CCDC9: variants seen among roughly 807,000 people sequenced by gnomAD.
The protein encoded by CCDC9 is coiled-coil domain-containing protein 9.
CCDC9 carries 52 observed loss-of-function variants against 65.6 expected under a neutral mutation model. That is an observed-to-expected ratio of 0.79 (90% CI 0.63 to 1.00). The LOEUF (loss-of-function observed/expected upper bound fraction) is 1.00, where lower values mean the gene tolerates loss of function less well. Among genes scored for constraint, CCDC9 ranks in the 50% least tolerant of loss-of-function variants. The pLI is 0.00. For missense variants in CCDC9, 834 were observed against 757.2 expected (o/e 1.10, Z -1.19); for synonymous variants, 332 against 280.3 (o/e 1.18, Z -1.84).
downstream of CCDC9, chr19:47,274,059 C>G (rs546851911): frequency 2.3e-5 from 19 of 832,276 alleles, no homozygotes; most frequent in Middle Eastern, 6.0e-4. Context: ...ATCTGGATTT[C>G]CAGGCTGTGT....
At chr19:47,263,199 A>G (rs974503848) in intron 5 of CCDC9, among the ~76,000 whole-genome samples, 2 of 152,090 alleles carry the variant, frequency 1.3e-5, no homozygotes, top group African/African-American at 2.4e-5. Flanking sequence ...TCTGCCAAGT[A>G]ATTACTGTTA....
At position 47,256,557 on chromosome 19, in the gene CCDC9, TCGC is replaced by T. The variant is rs1294520378; in HGVS notation, c.-123_-121del. The T allele has an allele frequency of 6.6e-6, 1 of 152,372 alleles. No individual in the cohort carries two copies. The highest frequency in any genetic ancestry group is 1.5e-5 in the Non-Finnish European group (1 of 68,230). The allele number at this position is 152,372 out of a possible 1,614,324, so 9.4% of individuals were successfully genotyped here. A position where few individuals can be genotyped will look rare whatever the true frequency, so the allele number is the denominator to read the frequency against. ...GACGCGCCTGGCCCGGGAGCTGCGG[TCGC>T]AGAGGCCGACGGAGCCGGAGTCGCG... is the stretch of plus-strand genomic sequence containing the variant. On this transcript the variant is annotated 5_prime_UTR_variant, in exon 1 of 12. Coordinates refer to ENST00000221922, the MANE Select transcript of CCDC9 (RefSeq NM_015603.3).
Position 47,260,760 on chromosome 19 carries a change from G to C in CCDC9, c.383G>C (p.Arg128Pro). The C allele has an allele frequency of 6.2e-7, 1 of 1,609,196 alleles. No individual in the cohort carries two copies. Among genetic ancestry groups the C allele is most frequent in the Non-Finnish European group, 8.5e-7 (1 of 1,178,214 alleles). Reference sequence around the variant, plus strand: ...CCTCGAGGAGGAGGAGCTGGGGGCCGTGGCCGGAGGGGCCGGGGCCGAGGT... The same window carrying C: ...CCTCGAGGAGGAGGAGCTGGGGGCCCTGGCCGGAGGGGCCGGGGCCGAGGT... ...EQPRGGGAGGRGRRGRGRGSP... is the reference protein window; with the variant it reads ...EQPRGGGAGGPGRRGRGRGSP... The change falls in exon 5 of 12, where the codon CGT becomes CCT. Residue 128 changes from arginine (R) to proline (P), a missense_variant. Arg to Pro is a moderately radical substitution (Grantham distance 103). Coordinates refer to ENST00000221922, the MANE Select transcript of CCDC9 (RefSeq NM_015603.3).
At chr19:47,266,459 C>A in intron 7 of CCDC9, 152 bp from the exon 8 acceptor site, 1 of 1,223,258 alleles carries the variant, frequency 8.2e-7, no homozygotes, top group Non-Finnish European at 1.1e-6. Context: ...GAGAGGGCCT[C>A]TGTGAGGAGG....
At chr19:47,273,609 C>G (rs897558691), downstream of CCDC9, 2 of 398,602 alleles carry the variant, frequency 5.0e-6, no homozygotes, top group African/African-American at 4.1e-5. Flanking sequence ...GGGGCCAGGG[C>G]AGTAGTCGGG....
downstream of CCDC9, chr19:47,272,180 C>CA: frequency 8.1e-7 from 1 of 1,230,038 alleles, no homozygotes; most frequent in Non-Finnish European, 1.0e-6. Context: ...GTGCATGGGG[C>CA]ATGGGATGGA....
chr19:47,275,074 G>A (rs1360924715), downstream of CCDC9: 2 of 1,496,984 alleles, frequency 1.3e-6, no homozygotes, highest in Middle Eastern at 1.8e-4. Context: ...GTGTACTACG[G>A]TCTCATCTGG....
In CCDC9 at chr19:47,260,468, A is replaced by G. The variant is rs752061362; in HGVS notation, c.210+46A>G. 5 of 1,607,730 alleles carry G rather than the reference A, an allele frequency of 3.1e-6. No homozygotes were observed. The Admixed American group carries it at 5.0e-5, about 16-fold the overall frequency. On this transcript the variant is annotated intron_variant, in intron 4 of 11. Transcript: ENST00000221922. ...TGGGACCCTGAGGATGGGGAGGGGCAGAGGGTTGAGGCCTGGGACCCAGGA... is the reference window on the plus strand; with the variant it reads ...TGGGACCCTGAGGATGGGGAGGGGCGGAGGGTTGAGGCCTGGGACCCAGGA...
In CCDC9 at chr19:47,257,064, G is replaced by C. The variant is rs1158793129; in HGVS notation, c.-72+455G>C. 2.7e-5 allele frequency among the ~76,000 whole-genome samples: 4 copies of C among 149,934 alleles called. No homozygotes were observed. The East Asian group carries it at 7.9e-4, about 30-fold the overall frequency. On this transcript the variant is annotated intron_variant, in intron 1 of 11. Coordinates refer to ENST00000221922, the MANE Select transcript of CCDC9 (RefSeq NM_015603.3). ...GGGGGAGCCAGGGGGCGGGGCCAGG[G>C]TGCTGGCGGGGAATGCTGGGGGTGG...
intron 8 of CCDC9, among the ~76,000 whole-genome samples, 196 bp downstream of exon 8, chr19:47,266,988 G>A (rs1041828255): frequency 5.3e-5 from 8 of 151,368 alleles, no homozygotes; most frequent in South Asian, 2.1e-4. Flanking sequence ...TTTTTGAGAC[G>A]GAGTCTCGCT....
rs1277105469 is a variant in CCDC9, at chr19:47,264,690, A to C, written c.546+4A>C. 6.2e-7 allele frequency: 1 copy of C among 1,604,396 alleles called. No individual in the cohort carries two copies. The highest frequency in any genetic ancestry group is 8.5e-7 in the Non-Finnish European group (1 of 1,175,758). On this transcript the variant is annotated splice_donor_region_variant and intron_variant, in intron 6 of 11. Transcript: ENST00000221922. ...CGAGTATGAGCGCAACCAGCGGGTC[A>C]GTGGTGCGGGTGTCCCCGAGGCAGG... is the stretch of plus-strand genomic sequence containing the variant.
Position 47,264,663 on chromosome 19 carries a change from G to A in CCDC9, c.523G>A (p.Ala175Thr), listed in dbSNP as rs542800293. 59 of 1,605,040 alleles carry A rather than the reference G, an allele frequency of 3.7e-5. No homozygotes were observed. Among genetic ancestry groups the A allele is most frequent in the Admixed American group, 6.8e-5 (4 of 58,634 alleles). ...GATGAATGAGGAGATGGAGAAGATC[G>A]CCGAGTATGAGCGCAACCAGCGGGT... ...EKMNEEMEKI[A>T]EYERNQREGV... Residue 175 changes from alanine (A) to threonine (T), a missense_variant, in exon 6 of 12, where the codon GCC (alanine) becomes ACC (threonine). By Grantham distance (58) the Ala-to-Thr change is moderately conservative (BLOSUM62 0). Transcript: ENST00000221922.
Position 47,264,638 on chromosome 19 carries a change from G to C in CCDC9, c.498G>C (p.Lys166Asn), listed in dbSNP as rs1416147952. 6.2e-7 allele frequency: 1 copy of C among 1,604,092 alleles called. No individual in the cohort carries two copies. The highest frequency in any genetic ancestry group is 8.5e-7 in the Non-Finnish European group (1 of 1,175,544). Reference sequence around the variant, plus strand: ...AGCGGCGCAGGCAGAACATTGAGAAGATGAATGAGGAGATGGAGAAGATCG... The same window carrying C: ...AGCGGCGCAGGCAGAACATTGAGAACATGAATGAGGAGATGGAGAAGATCG... ...WEERRRQNIE[K>N]MNEEMEKIAE... The change falls in exon 6 of 12, where the codon AAG becomes AAC. Residue 166 changes from lysine to asparagine, a missense_variant. Coordinates refer to ENST00000221922, the MANE Select transcript of CCDC9 (RefSeq NM_015603.3).
chr19:47,260,982 C>T (rs1258147918), intron 5 of CCDC9, 143 bp downstream of exon 5: 4 of 951,968 alleles, frequency 4.2e-6, no homozygotes, highest in Admixed American at 6.0e-5. Flanking sequence ...CTCTGTTTCT[C>T]TCTTCCTCCA....
chr19:47,275,027 C>A (rs759307056), downstream of CCDC9: 1 of 1,488,414 alleles, frequency 6.7e-7, no homozygotes, highest in South Asian at 1.3e-5. Flanking sequence ...TATGCGCCTA[C>A]TTCCTCTGCG....
chr19:47,261,884 G>A (rs1051911388), intron 5 of CCDC9, among the ~76,000 whole-genome samples: 1 of 151,676 alleles, frequency 6.6e-6, no homozygotes, highest in Non-Finnish European at 1.5e-5. Context: ...AGCCGGGTGT[G>A]GTGGCACACG....
chr19:47,266,354 G>A, intron 7 of CCDC9: 1 of 444,438 alleles, frequency 2.3e-6, no homozygotes, highest in Non-Finnish European at 3.9e-6. Context: ...TGGGAGCTGA[G>A]TAAATGAAAA....
downstream of CCDC9, chr19:47,272,259 A>G: frequency 1.3e-6 from 1 of 746,196 alleles, no homozygotes. Context: ...GAATGTGTGT[A>G]GGTAGCAGTT....
chr19:47,270,997 C>T (rs1420250093), intron 10 of CCDC9, 85 bp from the exon 11 acceptor site: 11 of 1,031,226 alleles, frequency 1.1e-5, no homozygotes, highest in Non-Finnish European at 1.0e-5. Flanking sequence ...CTGGGCAGCT[C>T]CTCCCTAGGG....
Sources: allele counts gnomAD v4.1 joint callset (sites outside exome capture counted in the v4.1 genomes callset), GRCh38; gene constraint gnomAD v4.1.1; transcripts MANE v1.5; gene names NCBI Gene and HGNC (gene_info 2026-07-23, HGNC 2026-07-21).